GUCY2F: variants seen among roughly 807,000 people sequenced by gnomAD.
GUCY2F encodes retinal guanylyl cyclase 2.
In GUCY2F, 61 loss-of-function variants were observed where a neutral mutation model predicts 73.1. That is an observed-to-expected ratio of 0.83 (90% CI 0.68 to 1.03). The LOEUF is 1.03. Ranked by LOEUF, GUCY2F falls within the 50% of genes least tolerant of loss-of-function variation. The probability of loss-of-function intolerance (pLI) is 0.00; values close to 1 mark genes in which losing one functional copy is unlikely to be tolerated. For missense variants in GUCY2F, 912 were observed against 854.3 expected (o/e 1.07, Z -0.84); for synonymous variants, 331 against 307.8 (o/e 1.08, Z -0.79).
chrX:109,412,598 T>C (rs765242812), intron 8 of GUCY2F, among the ~76,000 whole-genome samples: 12 of 112,575 alleles, frequency 1.1e-4, no homozygotes, highest in Non-Finnish European at 1.9e-4. Flanking sequence ...TCTGGAACTC[T>C]GTTGGAAGAA....
chrX:109,385,779 G>T (rs1242332395), intron 15 of GUCY2F, among the ~76,000 whole-genome samples: 1 of 111,967 alleles, frequency 8.9e-6, no homozygotes, highest in Admixed American at 9.4e-5. Context: ...TCTGTGTTGG[G>T]GCATGGAAAA....
rs769806909 is a variant in GUCY2F, at chrX:109,475,741, G to A, written c.196C>T (p.Leu66=). ...GVVGPWACDS[L]FSKALPEVAA... ...ACCTCAGGCAGGGCCTTTGAAAACAGCGAATCACAAGCCCAAGGGCCCACC... is the reference window on the plus strand; with the variant it reads ...ACCTCAGGCAGGGCCTTTGAAAACAACGAATCACAAGCCCAAGGGCCCACC... The change falls in exon 2 of 20, where the codon CTG becomes TTG. Residue 66 remains leucine, a synonymous_variant. Transcript: ENST00000218006. 1.7e-6 allele frequency: 2 copies of A among 1,211,006 alleles called. No individual in the cohort carries two copies. The highest frequency in any genetic ancestry group is 2.2e-6 in the Non-Finnish European group (2 of 894,877).
At chrX:109,383,254 G>A (rs1930360562) in intron 16 of GUCY2F, 1 of 153,687 alleles carries the variant, frequency 6.5e-6, no homozygotes, top group African/African-American at 3.2e-5. Context: ...TATATTCCTA[G>A]CCAGTCCTAT....
At chrX:109,450,721 C>T (rs907445013) in intron 5 of GUCY2F, among the ~76,000 whole-genome samples, 12 of 112,062 alleles carry the variant, frequency 1.1e-4, no homozygotes, top group South Asian at 7.4e-4. Context: ...AAGTTACCTA[C>T]GACTCTGTGC....
At chrX:109,385,691 TC>T (rs1462470511) in intron 15 of GUCY2F, among the ~76,000 whole-genome samples, 1 of 112,041 alleles carries the variant, frequency 8.9e-6, no homozygotes, top group African/African-American at 3.2e-5. Context: ...TTTATCTGGT[TC>T]CCAAACTGTG....
At chrX:109,397,542 A>G (rs1687895178) in intron 11 of GUCY2F, among the ~76,000 whole-genome samples, 1 of 112,445 alleles carries the variant, frequency 8.9e-6, no homozygotes, top group Admixed American at 9.4e-5. Flanking sequence ...TATTGTTAAT[A>G]ACTTACAGAA....
chrX:109,373,318 C>A (rs938435718), intron 19 of GUCY2F, among the ~76,000 whole-genome samples: 1 of 111,579 alleles, frequency 9.0e-6, no homozygotes. Context: ...GGAGTGGCTT[C>A]CTCCATAGTA....
intron 2 of GUCY2F, among the ~76,000 whole-genome samples, chrX:109,466,350 A>G (rs2147282196): frequency 9.0e-6 from 1 of 111,423 alleles, no homozygotes; most frequent in Non-Finnish European, 1.9e-5. Context: ...TTAAGGACGT[A>G]CTCTGTGTAA....
rs749843030 is a variant in GUCY2F, at chrX:109,382,755, C to T, written c.3056-543G>A. On this transcript the variant is annotated intron_variant, in intron 16 of 19. Transcript: ENST00000218006. ...ATGAAGACTGTACATTTATAGCTGA[C>T]GTTTGGGTGGGGGCACCTAGCTGTG... 5.3e-5 allele frequency among the ~76,000 whole-genome samples: 6 copies of T among 112,296 alleles called. No individual in the cohort carries two copies. In the East Asian group the frequency reaches 8.4e-4, roughly 16 times the overall value.
chrX:109,375,263 A>G (rs1930149924), intron 19 of GUCY2F, among the ~76,000 whole-genome samples: 1 of 111,439 alleles, frequency 9.0e-6, no homozygotes, highest in African/African-American at 3.3e-5. Flanking sequence ...AATACCGATA[A>G]ATATGTGGAG....
At chrX:109,390,935 A>T (rs1321758451) in intron 14 of GUCY2F, among the ~76,000 whole-genome samples, 1 of 112,614 alleles carries the variant, frequency 8.9e-6, no homozygotes, top group Non-Finnish European at 1.9e-5. Flanking sequence ...CTAATCTGAG[A>T]TAAACACACT....
At chrX:109,373,424 T>G (rs185698834) in intron 19 of GUCY2F, among the ~76,000 whole-genome samples, 4 of 111,238 alleles carry the variant, frequency 3.6e-5, no homozygotes, top group African/African-American at 1.3e-4. Flanking sequence ...CTGGTGGGAG[T>G]CCTGGGTCCT....
chrX:109,442,537 T>C (rs1931898344), intron 6 of GUCY2F, among the ~76,000 whole-genome samples: 1 of 111,828 alleles, frequency 8.9e-6, no homozygotes, highest in South Asian at 3.7e-4. Context: ...TAAAAATTAA[T>C]CTTAACTACT....
intron 8 of GUCY2F, among the ~76,000 whole-genome samples, chrX:109,414,013 G>A (rs572181800): frequency 9.1e-6 from 1 of 110,023 alleles, no homozygotes; most frequent in South Asian, 4.0e-4. Flanking sequence ...GTGCAGTGGC[G>A]CAATCTCAGC....
chrX:109,431,191 G>A (rs866598147), intron 7 of GUCY2F, among the ~76,000 whole-genome samples: 18 of 111,013 alleles, frequency 1.6e-4, no homozygotes, highest in African/African-American at 4.9e-4. Context: ...TTTAGTTTCC[G>A]TCCAACCCAA....
chrX:109,469,582 C>A (rs2147283262), intron 2 of GUCY2F, among the ~76,000 whole-genome samples: 1 of 110,262 alleles, frequency 9.1e-6, no homozygotes, highest in East Asian at 2.9e-4. Flanking sequence ...TTATTGTAAC[C>A]CCTTTGTGAT....
intron 2 of GUCY2F, among the ~76,000 whole-genome samples, chrX:109,469,103 G>A (rs1046566760): frequency 9.0e-6 from 1 of 110,701 alleles, no homozygotes; most frequent in Admixed American, 9.6e-5. Context: ...CAAGGACCAG[G>A]AAATACACCC....
chrX:109,472,606 G>A (rs760729884), intron 2 of GUCY2F, among the ~76,000 whole-genome samples: 2 of 112,121 alleles, frequency 1.8e-5, no homozygotes, highest in Admixed American at 1.9e-4. Flanking sequence ...GATTTGATCC[G>A]GTATGTGCTA....
Position 109,395,488 on chromosome X carries a change from T to C in GUCY2F, c.2277A>G (p.Glu759=). The C allele has an allele frequency of 8.4e-7, 1 of 1,196,852 alleles. No individual in the cohort carries two copies. The highest frequency in any genetic ancestry group is 1.1e-6 in the Non-Finnish European group (1 of 885,077). The change falls in exon 12 of 20, where the codon GAA becomes GAG. Residue 759 remains glutamate (E), a splice_region_variant and synonymous_variant. Coordinates refer to ENST00000218006, the MANE Select transcript of GUCY2F (RefSeq NM_001522.3). ...GAGGCTTCTTAAGTCTGTTTATGAT[T>C]TCTGTCCAGATGCGAGAAGAGAACC... ...PFCMMDLPAQ[E]IINRLKKPPP...
Sources: allele counts gnomAD v4.1 joint callset (sites outside exome capture counted in the v4.1 genomes callset), GRCh38; gene constraint gnomAD v4.1.1; transcripts MANE v1.5; gene names NCBI Gene and HGNC (gene_info 2026-07-23, HGNC 2026-07-21).